Variants in ZMAT4 observed in about 807,000 individuals in gnomAD.
The protein encoded by ZMAT4 is zinc finger matrin-type 4, also known as zinc finger matrin-type protein 4.
A neutral mutation model predicts 28.7 loss-of-function variants in ZMAT4; 17 were observed. The observed-to-expected ratio is 0.59, with a 90% CI of 0.41 to 0.89. The LOEUF (loss-of-function observed/expected upper bound fraction) is 0.89. Ranked by LOEUF, ZMAT4 falls within the 40% of genes least tolerant of loss-of-function variation. The pLI is 0.00. For synonymous variants in ZMAT4, 117 were observed against 109.2 expected (o/e 1.07, Z -0.44); for missense variants, 240 against 283.8 (o/e 0.85, Z 1.11).
intron 1 of ZMAT4, among the ~76,000 whole-genome samples, chr8:40,870,606 G>T (rs1817823361): frequency 6.6e-6 from 1 of 152,120 alleles, no homozygotes; most frequent in Admixed American, 6.5e-5. Context: ...CCCTCAGTAT[G>T]TTTCTTTCCT....
intron 2 of ZMAT4, among the ~76,000 whole-genome samples, chr8:40,802,700 A>G (rs1814904356): frequency 6.6e-6 from 1 of 152,202 alleles, no homozygotes. Context: ...TTTGTGGATA[A>G]CTTTGAATCA....
At chr8:40,587,296 G>T (rs1000741233) in intron 5 of ZMAT4, among the ~76,000 whole-genome samples, 1 of 152,036 alleles carries the variant, frequency 6.6e-6, no homozygotes, top group Admixed American at 6.5e-5. Flanking sequence ...TGGTGGAGGG[G>T]AAATGCAACC....
At chr8:40,566,399 G>C (rs1317476142) in intron 6 of ZMAT4, among the ~76,000 whole-genome samples, 1 of 152,102 alleles carries the variant, frequency 6.6e-6, no homozygotes, top group Non-Finnish European at 1.5e-5. Flanking sequence ...CCGGACATGT[G>C]GGTGTGAGAG....
intron 3 of ZMAT4, among the ~76,000 whole-genome samples, chr8:40,711,660 A>G (rs1470608909): frequency 1.3e-5 from 2 of 152,232 alleles, no homozygotes; most frequent in Non-Finnish European, 2.9e-5. Context: ...CTGCAGACTA[A>G]AATAGATGTA....
Position 40,674,744 on chromosome 8 carries a change from T to G in ZMAT4, c.537A>C (p.Leu179Phe). Reference protein sequence around the residue: ...HKKNAARVALLEQLGTTLDMG... With the variant: ...HKKNAARVALFEQLGTTLDMG... Reference sequence around the variant, plus strand: ...TATCCAGGGTTGTCCCCAGTTGTTCTAACAAAGCAACTCTTGCCGCATTCT... The same window carrying G: ...TATCCAGGGTTGTCCCCAGTTGTTCGAACAAAGCAACTCTTGCCGCATTCT... Residue 179 changes from leucine (L) to phenylalanine (F), a missense_variant, in exon 5 of 7, where the codon TTA becomes TTC. Physicochemically the swap from Leu to Phe is conservative, Grantham distance 22. Transcript: ENST00000297737. 1 of 1,613,992 alleles carries G rather than the reference T, an allele frequency of 6.2e-7. No individual in the cohort carries two copies. Among genetic ancestry groups the G allele is most frequent in the South Asian group, 1.1e-5 (1 of 91,082 alleles).
intron 1 of ZMAT4, among the ~76,000 whole-genome samples, chr8:40,846,654 A>G (rs1196072323): frequency 6.6e-6 from 1 of 152,086 alleles, no homozygotes; most frequent in African/African-American, 2.4e-5. Context: ...GCATCTTTCC[A>G]GGTTGAGACT....
At chr8:40,572,365 C>T (rs151106065) in intron 6 of ZMAT4, among the ~76,000 whole-genome samples, 11 of 152,208 alleles carry the variant, frequency 7.2e-5, no homozygotes, top group East Asian at 3.9e-4. Flanking sequence ...ATGGATATCA[C>T]GTGTTAAGGC....
chr8:40,838,256 G>T (rs867339758), intron 1 of ZMAT4, among the ~76,000 whole-genome samples: 21 of 152,244 alleles, frequency 1.4e-4, no homozygotes, highest in African/African-American at 5.1e-4. Flanking sequence ...AGACTGCATT[G>T]ATATAGATTC....
intron 6 of ZMAT4, among the ~76,000 whole-genome samples, chr8:40,560,100 T>C (rs1244013130): frequency 3.3e-5 from 5 of 152,042 alleles, no homozygotes; most frequent in Admixed American, 3.3e-4. Context: ...TTCCTGCCAC[T>C]GTCAATACCT....
intron 5 of ZMAT4, among the ~76,000 whole-genome samples, chr8:40,663,741 C>A (rs969874789): frequency 6.6e-6 from 1 of 152,120 alleles, no homozygotes; most frequent in African/African-American, 2.4e-5. Context: ...GTAATCTAAG[C>A]TGAGTATTTT....
intron 1 of ZMAT4, among the ~76,000 whole-genome samples, chr8:40,891,515 G>A (rs1818687082): frequency 6.6e-6 from 1 of 152,036 alleles, no homozygotes. Flanking sequence ...TCACACCCTG[G>A]GCTCCCTGCC....
chr8:40,828,628 C>G (rs560278534), intron 1 of ZMAT4, among the ~76,000 whole-genome samples: 1 of 152,162 alleles, frequency 6.6e-6, no homozygotes, highest in Admixed American at 6.5e-5. Flanking sequence ...TTGATTTGAA[C>G]AAGTCCATAT....
At chr8:40,548,835 G>T (rs1451062256) in intron 6 of ZMAT4, among the ~76,000 whole-genome samples, 1 of 152,104 alleles carries the variant, frequency 6.6e-6, no homozygotes, top group Non-Finnish European at 1.5e-5. Flanking sequence ...TGATCTTGTA[G>T]GCATTACATC....
At chr8:40,566,757 C>G (rs1214443093) in intron 6 of ZMAT4, among the ~76,000 whole-genome samples, 1 of 151,948 alleles carries the variant, frequency 6.6e-6, no homozygotes, top group Non-Finnish European at 1.5e-5. Context: ...CCCACCTACA[C>G]AGAGACTTAA....
intron 5 of ZMAT4, among the ~76,000 whole-genome samples, chr8:40,631,540 A>C (rs888727542): frequency 1.3e-5 from 2 of 152,192 alleles, no homozygotes; most frequent in African/African-American, 4.8e-5. Context: ...AATTCTACTC[A>C]GTTCTAATGC....
At chr8:40,887,261 G>A (rs1818490539) in intron 1 of ZMAT4, among the ~76,000 whole-genome samples, 1 of 151,626 alleles carries the variant, frequency 6.6e-6, no homozygotes, top group Admixed American at 6.6e-5. Context: ...GCCTGAGGAG[G>A]GTGGATCACC....
intron 3 of ZMAT4, among the ~76,000 whole-genome samples, chr8:40,699,589 T>C (rs1810041174): frequency 1.4e-5 from 1 of 72,472 alleles, no homozygotes. Context: ...ATAAAGAAAA[T>C]GTAAATGCAC....
rs560079537 is a variant in ZMAT4 at position 40,824,039 on chromosome 8, A to G, written c.102+1536T>C. 5.9e-5 allele frequency among the ~76,000 whole-genome samples: 9 copies of G among 152,266 alleles called. No individual in the cohort carries two copies. In the South Asian group the frequency reaches 1.7e-3, roughly 28 times the overall value. ...ATTTGGTCACCACAAAATCCTGAGG[A>G]GTATGCAGGGCCCATTGACTGTCTT... On this transcript the variant is annotated intron_variant, in intron 2 of 6. Transcript: ENST00000297737.
At chr8:40,661,376 CG>C (rs1303145863) in intron 5 of ZMAT4, among the ~76,000 whole-genome samples, 2 of 152,168 alleles carry the variant, frequency 1.3e-5, no homozygotes, top group African/African-American at 2.4e-5. Context: ...CTGGGATTAC[CG>C]GCATCAGCCA....
Sources: allele counts gnomAD v4.1 joint callset (sites outside exome capture counted in the v4.1 genomes callset), GRCh38; gene constraint gnomAD v4.1.1; transcripts MANE v1.5; gene names NCBI Gene and HGNC (gene_info 2026-07-23, HGNC 2026-07-21).